Variants in TENM3 observed in about 807,000 individuals in gnomAD.
The protein encoded by TENM3 is teneurin transmembrane protein 3.
Under a neutral mutation model 255.1 loss-of-function variants are expected in TENM3, and 63 were observed. That is an observed-to-expected ratio of 0.25 (90% confidence interval 0.20 to 0.30). The LOEUF is 0.30. TENM3 is among the 10% of genes least tolerant of loss of function. The pLI, the probability that TENM3 is intolerant of heterozygous loss-of-function variation, is 1.00. For missense variants in TENM3, 2,929 were observed against 3,461.1 expected, an observed-to-expected ratio of 0.85 and a Z score of 3.86; for synonymous variants, 1,306 against 1,322.3, an observed-to-expected ratio of 0.99 and a Z score of 0.27.
At chr4:181,788,946 T>C in the TENM3 span, among the ~76,000 whole-genome samples, 1 of 152,140 alleles carries the variant, frequency 6.6e-6, no homozygotes, top group Admixed American at 6.5e-5. Flanking sequence ...TGTAGCACAA[T>C]TAAAGCCACC....
intron 6 of TENM3, among the ~76,000 whole-genome samples, chr4:182,672,504 CTAGTA>C (rs978544404): frequency 3.3e-5 from 5 of 152,248 alleles, no homozygotes; most frequent in Admixed American, 2.6e-4. Flanking sequence ...TTCATTCATC[CTAGTA>C]TATCATTTAG....
chr4:181,519,013 A>C, the TENM3 span, among the ~76,000 whole-genome samples: 1 of 152,212 alleles, frequency 6.6e-6, no homozygotes, highest in Non-Finnish European at 1.5e-5. Context: ...GTTTTTCACT[A>C]AACCTCAAGA....
At chr4:181,818,614 T>TAGAGA in the TENM3 span, among the ~76,000 whole-genome samples, 2 of 148,504 alleles carry the variant, frequency 1.3e-5, no homozygotes, top group African/African-American at 4.9e-5. Flanking sequence ...TAAATCTCTT[T>TAGAGA]TTTTTTTTTT....
At chr4:181,554,034 C>G in the TENM3 span, among the ~76,000 whole-genome samples, 1 of 152,116 alleles carries the variant, frequency 6.6e-6, no homozygotes, top group Admixed American at 6.5e-5. Context: ...TTCCCTCATG[C>G]GGCTCTAACT....
At chr4:181,593,379 C>G in the TENM3 span, among the ~76,000 whole-genome samples, 1 of 152,164 alleles carries the variant, frequency 6.6e-6, no homozygotes, top group African/African-American at 2.4e-5. Context: ...TTTGCATATA[C>G]ACTTTTGTGT....
chr4:182,175,643 GC>G (rs1309954423), intron 1 of TENM3, among the ~76,000 whole-genome samples: 1 of 152,170 alleles, frequency 6.6e-6, no homozygotes, highest in African/African-American at 2.4e-5. Context: ...CTGGTATAAG[GC>G]CAGATGATGC....
At chr4:182,219,947 T>C (rs938157003) in intron 1 of TENM3, among the ~76,000 whole-genome samples, 1 of 152,172 alleles carries the variant, frequency 6.6e-6, no homozygotes, top group Non-Finnish European at 1.5e-5. Context: ...CCTCTGTATG[T>C]ATTTGGTTTT....
chr4:181,844,231 T>C, the TENM3 span, among the ~76,000 whole-genome samples: 1 of 152,114 alleles, frequency 6.6e-6, no homozygotes, highest in East Asian at 1.9e-4. Context: ...CACTGTTGCA[T>C]TGGGGATTAA....
At chr4:182,219,951 T>G (rs2726814) in intron 1 of TENM3, among the ~76,000 whole-genome samples, 130,721 of 152,110 alleles carry the variant, frequency 0.86, 56,896 homozygotes, top group Non-Finnish European at 0.9. Context: ...TGTATGTATT[T>G]GGTTTTTCAG....
At chr4:182,764,810 C>T (rs1014415790) in intron 22 of TENM3, among the ~76,000 whole-genome samples, 2 of 152,132 alleles carry the variant, frequency 1.3e-5, no homozygotes, top group Non-Finnish European at 2.9e-5. Flanking sequence ...GTAGGCGGGA[C>T]TCTGTTCAAG....
In TENM3 at chr4:182,607,240, A is replaced by G. The variant is rs1212427455; in HGVS notation, c.749+6079A>G. On this transcript the variant is annotated intron_variant, in intron 4 of 27. Coordinates refer to ENST00000511685, the MANE Select transcript of TENM3 (RefSeq NM_001080477.4). The stretch of plus-strand genomic sequence containing the variant: ...TAAAGTAGCTCTCATCTCTCCAAAC[A>G]ATAAGAAAAGCATTTGTCTTAACTG... Among the ~76,000 whole-genome samples the G allele has an allele frequency of 2.6e-5, 4 of 152,308 alleles. No homozygotes were observed. The East Asian group carries it at 7.7e-4, about 29-fold the overall frequency.
chr4:181,933,713 T>G, the TENM3 span, among the ~76,000 whole-genome samples: 2 of 152,192 alleles, frequency 1.3e-5, no homozygotes, highest in Non-Finnish European at 2.9e-5. Context: ...GTAACCAGAT[T>G]TGACCTGTGG....
At chr4:182,740,189 G>A (rs1761494561) in intron 18 of TENM3, among the ~76,000 whole-genome samples, 1 of 152,196 alleles carries the variant, frequency 6.6e-6, no homozygotes, top group Admixed American at 6.5e-5. Context: ...ACCCCTTCCA[G>A]TTACGTCCTG....
chr4:182,050,622 G>A, the TENM3 span, among the ~76,000 whole-genome samples: 1 of 152,026 alleles, frequency 6.6e-6, no homozygotes, highest in African/African-American at 2.4e-5. Context: ...TGGACAACGT[G>A]GCAAAACTCC....
the TENM3 span, among the ~76,000 whole-genome samples, chr4:181,653,798 C>T: frequency 1.3e-5 from 2 of 150,778 alleles, no homozygotes; most frequent in East Asian, 2.0e-4. Context: ...TGCACCTATT[C>T]CCCCATAATC....
At chr4:182,631,845 T>C (rs6818165) in intron 5 of TENM3, among the ~76,000 whole-genome samples, 19,208 of 152,192 alleles carry the variant, frequency 0.13, 2,022 homozygotes, top group East Asian at 0.47. Flanking sequence ...TCCAGTAAGA[T>C]AATGAGAACT....
Position 182,250,283 on chromosome 4 carries a change from A to ACCTCGTGATCCGCCCG in TENM3, c.-76+6811_-76+6812insGTGATCCGCCCGCCTC, listed in dbSNP as rs551187319. On this transcript the variant is annotated intron_variant, in intron 1 of 27. Transcript: ENST00000511685. ...TAGCCAGGATGGTCTCGATCTCCTGACCTCATGATCCACCCGCCTTAGCCT... is the reference window on the plus strand; with the variant it reads ...TAGCCAGGATGGTCTCGATCTCCTGACCTCGTGATCCGCCCGCCTCATGATCCACCCGCCTTAGCCT... 6.4e-3 allele frequency among the ~76,000 whole-genome samples: 958 copies of ACCTCGTGATCCGCCCG among 149,956 alleles called. 10 individuals are homozygous for ACCTCGTGATCCGCCCG. The highest frequency in any genetic ancestry group is 0.023 in the African/African-American group (915 of 39,700).
chr4:181,766,216 GTC>G, the TENM3 span, among the ~76,000 whole-genome samples: 1 of 152,190 alleles, frequency 6.6e-6, no homozygotes, highest in African/African-American at 2.4e-5. Flanking sequence ...TGGGATCCAA[GTC>G]TCTCCATAAA....
chr4:181,925,809 A>C, the TENM3 span, among the ~76,000 whole-genome samples: 1 of 152,196 alleles, frequency 6.6e-6, no homozygotes, highest in Non-Finnish European at 1.5e-5. Context: ...CATCAATCAG[A>C]ATATTCCTAA....
Sources: gnomAD v4.1 joint callset for allele counts (sites outside exome capture counted in the v4.1 genomes callset) on GRCh38, gnomAD v4.1.1 for gene constraint, MANE v1.5 for transcripts, NCBI Gene and HGNC (gene_info 2026-07-23, HGNC 2026-07-21) for gene names.